Variants in BAZ2B observed in about 807,000 individuals in gnomAD.
BAZ2B encodes bromodomain adjacent to zinc finger domain protein 2B.
A neutral mutation model predicts 246.0 loss-of-function variants in BAZ2B; 91 were observed. The observed-to-expected ratio is 0.37, with a 90% CI of 0.31 to 0.44. The LOEUF (loss-of-function observed/expected upper bound fraction) is 0.44, where lower values mean the gene tolerates loss of function less well. Ranked by LOEUF, BAZ2B falls within the 20% of genes least tolerant of loss-of-function variation. The pLI is 1.00. For missense variants in BAZ2B, 2,332 were observed against 2,533.7 expected, an observed-to-expected ratio of 0.92 and a Z score of 1.71; for synonymous variants, 855 against 860.0, an observed-to-expected ratio of 0.99 and a Z score of 0.10.
intron 1 of BAZ2B, among the ~76,000 whole-genome samples, chr2:159,566,345 C>A (rs996222821): frequency 6.6e-6 from 1 of 152,158 alleles, no homozygotes; most frequent in East Asian, 1.9e-4. Flanking sequence ...CAGCAATGTC[C>A]TTCTAAGCTA....
In BAZ2B at chr2:159,397,464, T is replaced by C. The variant is rs987192622; in HGVS notation, c.2965-75A>G. On this transcript the variant is annotated intron_variant, in intron 18 of 36. Coordinates refer to ENST00000392783, the MANE Select transcript of BAZ2B (RefSeq NM_013450.4). ...CATGCTAAAAGTATTAAAAGTTCCTTTTCTGAGATTCTATAGTTTTTCATT... is the reference window on the plus strand; with the variant it reads ...CATGCTAAAAGTATTAAAAGTTCCTCTTCTGAGATTCTATAGTTTTTCATT... 14 of 964,838 alleles carry C rather than the reference T, an allele frequency of 1.5e-5. No homozygotes were observed. In the African/African-American group the frequency reaches 2.0e-4, roughly 14 times the overall value. 59.8% of individuals were successfully genotyped at this position (964,838 alleles called of 1,614,324 possible). A position where few individuals can be genotyped will look rare whatever the true frequency, so the allele number is the denominator to read the frequency against.
intron 27 of BAZ2B, among the ~76,000 whole-genome samples, chr2:159,354,562 G>T (rs192756666): frequency 1.6e-4 from 24 of 152,130 alleles, no homozygotes; most frequent in African/African-American, 5.3e-4. Flanking sequence ...TGGTGGTCAG[G>T]CTGGTCTCGA....
At chr2:159,663,758 C>A in the BAZ2B span, among the ~76,000 whole-genome samples, 1 of 151,388 alleles carries the variant, frequency 6.6e-6, no homozygotes, top group Non-Finnish European at 1.5e-5. Flanking sequence ...ACCTCGTGAT[C>A]TGCTTGCCTT....
At chr2:159,698,303 C>T in the BAZ2B span, among the ~76,000 whole-genome samples, 2 of 151,824 alleles carry the variant, frequency 1.3e-5, no homozygotes, top group African/African-American at 2.4e-5. Context: ...GGGAGGATTG[C>T]TTGAGTCCAT....
At chr2:159,591,211 A>G (rs1342857944) in intron 1 of BAZ2B, among the ~76,000 whole-genome samples, 2 of 152,230 alleles carry the variant, frequency 1.3e-5, no homozygotes, top group African/African-American at 2.4e-5. Flanking sequence ...TCCAACTATT[A>G]AGAAAGCTCT....
intron 25 of BAZ2B, 101 bp downstream of exon 25, chr2:159,382,458 C>T: frequency 7.8e-7 from 1 of 1,277,552 alleles, no homozygotes; most frequent in South Asian, 1.6e-5. Context: ...AAGTAAATGT[C>T]AAAACTGAAT....
Position 159,385,203 on chromosome 2 carries a change from A to G in BAZ2B, c.3638T>C (p.Val1213Ala), listed in dbSNP as rs2062488172. Residue 1213 changes from valine to alanine, a missense_variant, in exon 23 of 37, where the codon GTC becomes GCC. Around this residue, in one of 9 missense-constraint regions of BAZ2B, gnomAD observed 328 missense variants for 410.4 expected, o/e 0.80. Coordinates refer to ENST00000392783, the MANE Select transcript of BAZ2B (RefSeq NM_013450.4). ...CAGTTCATTGATCAGGAAAGCCAGG[A>G]CTGAAGCTTTCTGTGCTGGAGTGTG... ...QAHTPAQKAS[V>A]LAFLINELAC... 1.9e-6 allele frequency: 3 copies of G among 1,613,638 alleles called. No individual in the cohort carries two copies. Among genetic ancestry groups the G allele is most frequent in the Non-Finnish European group, 2.5e-6 (3 of 1,179,666 alleles).
chr2:159,705,067 C>G, the BAZ2B span, among the ~76,000 whole-genome samples: 1 of 150,564 alleles, frequency 6.6e-6, no homozygotes, highest in East Asian at 2.0e-4. Flanking sequence ...GGATGCCAGG[C>G]TGGAGTGCAG....
intron 2 of BAZ2B, among the ~76,000 whole-genome samples, chr2:159,499,014 T>C (rs1265722004): frequency 6.6e-6 from 1 of 152,154 alleles, no homozygotes; most frequent in African/African-American, 2.4e-5. Context: ...TTTATTATTA[T>C]TTTTTTCTTC....
chr2:159,544,709 C>T (rs2087092105), intron 2 of BAZ2B, among the ~76,000 whole-genome samples: 1 of 152,118 alleles, frequency 6.6e-6, no homozygotes, highest in African/African-American at 2.4e-5. Context: ...CTAAAGACTA[C>T]AAGACCTCTT....
chr2:159,623,484 A>C, the BAZ2B span, among the ~76,000 whole-genome samples: 2 of 152,152 alleles, frequency 1.3e-5, no homozygotes, highest in Non-Finnish European at 2.9e-5. Context: ...ATAGTAAGAG[A>C]AATGCACATG....
chr2:159,406,564 T>C (rs573357016), intron 14 of BAZ2B, among the ~76,000 whole-genome samples: 1 of 152,262 alleles, frequency 6.6e-6, no homozygotes, highest in African/African-American at 2.4e-5. Flanking sequence ...GTATATAATA[T>C]TACTCATATA....
At chr2:159,475,080 C>T (rs1488046384) in intron 3 of BAZ2B, among the ~76,000 whole-genome samples, 3 of 152,090 alleles carry the variant, frequency 2.0e-5, no homozygotes, top group Non-Finnish European at 2.9e-5. Context: ...TCTGTATTTC[C>T]TGAATTTGAA....
chr2:159,572,670 C>A (rs565105223), intron 1 of BAZ2B, among the ~76,000 whole-genome samples: 12 of 152,104 alleles, frequency 7.9e-5, no homozygotes, highest in Non-Finnish European at 1.5e-4. Context: ...GCTGTTCTTG[C>A]AATTCATTTG....
At chr2:159,703,948 C>A in the BAZ2B span, among the ~76,000 whole-genome samples, 2 of 152,148 alleles carry the variant, frequency 1.3e-5, no homozygotes, top group African/African-American at 4.8e-5. Flanking sequence ...ACCACTTCCA[C>A]CAACATGCTT....
At chr2:159,641,264 G>A in the BAZ2B span, among the ~76,000 whole-genome samples, 1 of 152,188 alleles carries the variant, frequency 6.6e-6, no homozygotes, top group African/African-American at 2.4e-5. Flanking sequence ...TAGCCAGTCT[G>A]ACTGGTGTTA....
Position 159,320,787 on chromosome 2 carries a change from C to T in BAZ2B, c.6354-369G>A, listed in dbSNP as rs560023691. On this transcript the variant is annotated intron_variant, in intron 36 of 36. Coordinates refer to ENST00000392783, the MANE Select transcript of BAZ2B (RefSeq NM_013450.4). ...TGACCAAATGTATCACTTGCAGAATCCTATTATCCATATTAAAAAATGCTC... is the reference window on the plus strand; with the variant it reads ...TGACCAAATGTATCACTTGCAGAATTCTATTATCCATATTAAAAAATGCTC... Among the ~76,000 whole-genome samples, 10 of 152,262 alleles carry T rather than the reference C, an allele frequency of 6.6e-5. No individual in the cohort carries two copies. The South Asian group carries it at 2.1e-3, about 32-fold the overall frequency.
At chr2:159,383,098 C>T (rs527834791) in intron 24 of BAZ2B, among the ~76,000 whole-genome samples, 35 of 151,954 alleles carry the variant, frequency 2.3e-4, no homozygotes, top group African/African-American at 7.2e-4. Context: ...ATTTCTGATC[C>T]CATACTAACT....
intron 1 of BAZ2B, among the ~76,000 whole-genome samples, chr2:159,604,679 T>C (rs932187800): frequency 6.6e-6 from 1 of 152,222 alleles, no homozygotes; most frequent in Non-Finnish European, 1.5e-5. Context: ...TAGCTCAACA[T>C]TCCTTATAAT....
Sources: gnomAD v4.1 joint callset for allele counts (sites outside exome capture counted in the v4.1 genomes callset) on GRCh38, gnomAD v4.1.1 for gene constraint, gnomAD v4.1.1 regional missense constraint, MANE v1.5 for transcripts, NCBI Gene and HGNC (gene_info 2026-07-23, HGNC 2026-07-21) for gene names.